VPS41: variants seen among roughly 807,000 people sequenced by gnomAD.
The protein encoded by VPS41 is VPS41 subunit of HOPS complex.
Under a neutral mutation model 130.9 loss-of-function variants are expected in VPS41, and 85 were observed. The observed-to-expected ratio is 0.65, with a 90% CI of 0.55 to 0.78. The LOEUF (loss-of-function observed/expected upper bound fraction) is 0.78, where lower values mean the gene tolerates loss of function less well. Ranked by LOEUF, VPS41 falls within the 30% of genes least tolerant of loss-of-function variation. The probability of loss-of-function intolerance (pLI) is 0.00; values close to 1 mark genes in which losing one functional copy is unlikely to be tolerated. For synonymous variants in VPS41, 335 were observed against 332.9 expected (o/e 1.01, Z -0.07); for missense variants, 874 against 1,018.7 (o/e 0.86, Z 1.93).
chr7:38,830,280 T>G lies in VPS41; in HGVS notation c.295A>C (p.Met99Leu). 6.2e-7 allele frequency: 1 copy of G among 1,613,474 alleles called. No homozygotes were observed. Among genetic ancestry groups the G allele is most frequent in the Non-Finnish European group, 8.5e-7 (1 of 1,179,372 alleles). ...QISLDESGEHMGVCSEDGKVQ... is the reference protein window; with the variant it reads ...QISLDESGEHLGVCSEDGKVQ... Reference sequence around the variant, plus strand: ...TTGCCATCCTCTGAACACACACCCATGTGCTCTCCACTTTCATCCAAGCTA... The same window carrying G: ...TTGCCATCCTCTGAACACACACCCAGGTGCTCTCCACTTTCATCCAAGCTA... The change falls in exon 5 of 29, where the codon ATG becomes CTG. Residue 99 changes from methionine (M) to leucine (L), a missense_variant. Met to Leu is a conservative substitution (Grantham distance 15, BLOSUM62 2). Coordinates refer to ENST00000310301, the MANE Select transcript of VPS41 (RefSeq NM_014396.4).
In VPS41 at chr7:38,745,574, T is replaced by C; in HGVS notation, c.1966A>G (p.Thr656Ala). The C allele has an allele frequency of 6.2e-7, 1 of 1,609,408 alleles. No homozygotes were observed. Among genetic ancestry groups the C allele is most frequent in the Non-Finnish European group, 8.5e-7 (1 of 1,178,724 alleles). The change falls in exon 23 of 29, where the codon ACA becomes GCA. Residue 656 changes from threonine (T) to alanine (A), a missense_variant. Thr to Ala is a moderately conservative substitution (Grantham distance 58). Coordinates refer to ENST00000310301, the MANE Select transcript of VPS41 (RefSeq NM_014396.4). ...ICQQRNFVEE[T>A]VYLLSRMGNS... Reference sequence around the variant, plus strand: ...AGCTACTTACTCAGAAGATAAACTGTCTCTTCTACAAAGTTTCTCTGTTGA... The same window carrying C: ...AGCTACTTACTCAGAAGATAAACTGCCTCTTCTACAAAGTTTCTCTGTTGA...
chr7:38,802,628 CTTT>C (rs772375780), intron 7 of VPS41, among the ~76,000 whole-genome samples: 10 of 152,256 alleles, frequency 6.6e-5, no homozygotes, highest in Non-Finnish European at 1.2e-4. Context: ...GAAAGCTTTG[CTTT>C]GGTGATTTAA....
At chr7:38,904,334 A>G (rs947650466) in intron 1 of VPS41, among the ~76,000 whole-genome samples, 1 of 152,222 alleles carries the variant, frequency 6.6e-6, no homozygotes, top group African/African-American at 2.4e-5. Context: ...CTAACAAAGC[A>G]ATCCGCTAGT....
chr7:38,769,134 TTCTGA>T (rs1784107972), intron 14 of VPS41, among the ~76,000 whole-genome samples: 2 of 152,198 alleles, frequency 1.3e-5, no homozygotes, highest in Non-Finnish European at 2.9e-5. Context: ...CGTCTTACCC[TTCTGA>T]CCTGCTTACC....
intron 4 of VPS41, among the ~76,000 whole-genome samples, chr7:38,856,392 G>T (rs1336240229): frequency 6.6e-6 from 1 of 152,050 alleles, no homozygotes; most frequent in African/African-American, 2.4e-5. Flanking sequence ...ATTAGGAGGT[G>T]GGGAAGAATT....
At chr7:38,886,963 CAGAA>C (rs1786745513) in intron 2 of VPS41, among the ~76,000 whole-genome samples, 1 of 152,150 alleles carries the variant, frequency 6.6e-6, no homozygotes, top group South Asian at 2.1e-4. Context: ...AACTAACAAA[CAGAA>C]AGGAATAGCA....
intron 7 of VPS41, among the ~76,000 whole-genome samples, chr7:38,804,896 T>C (rs1372711245): frequency 6.6e-6 from 1 of 152,240 alleles, no homozygotes. Context: ...ATCCCACAGA[T>C]TTAATAGAGC....
intron 4 of VPS41, among the ~76,000 whole-genome samples, chr7:38,843,704 A>C (rs1004834919): frequency 4.6e-5 from 7 of 152,034 alleles, no homozygotes; most frequent in African/African-American, 1.7e-4. Flanking sequence ...AAAAAAAAAA[A>C]CTGAATGACT....
chr7:38,728,226 T>C, intron 27 of VPS41: 1 of 527,098 alleles, frequency 1.9e-6, no homozygotes, highest in Admixed American at 3.2e-5. Context: ...TGGGAACTTG[T>C]TAGAAATATA....
chr7:38,902,404 A>G (rs1337776381), intron 1 of VPS41, among the ~76,000 whole-genome samples: 2 of 152,278 alleles, frequency 1.3e-5, no homozygotes, highest in East Asian at 1.9e-4. Context: ...TCTGTGCCAC[A>G]AGTGGCAAAT....
chr7:38,902,731 C>T (rs1417879416), intron 1 of VPS41, among the ~76,000 whole-genome samples: 2 of 152,300 alleles, frequency 1.3e-5, no homozygotes, highest in Non-Finnish European at 2.9e-5. Context: ...CCCCATCCTG[C>T]ACTCATCCTG....
At chr7:38,897,648 A>C (rs977795961) in intron 2 of VPS41, among the ~76,000 whole-genome samples, 1 of 150,714 alleles carries the variant, frequency 6.6e-6, no homozygotes. Flanking sequence ...CCGTCTCAAA[A>C]AAAAAAAAAA....
rs112678483 is a variant in VPS41, at chr7:38,809,311, C to T, written c.450+8506G>A. On this transcript the variant is annotated intron_variant, in intron 7 of 28. Coordinates refer to ENST00000310301, the MANE Select transcript of VPS41 (RefSeq NM_014396.4). Reference sequence around the variant, plus strand: ...CAGCCTGGCCAACATAGTGAAACCCCGTCTCTACTAAAAATACAAAAATAT... The same window carrying T: ...CAGCCTGGCCAACATAGTGAAACCCTGTCTCTACTAAAAATACAAAAATAT... Among the ~76,000 whole-genome samples the T allele has an allele frequency of 4.8e-4, 72 of 148,640 alleles. 1 individual carries two copies. The highest frequency in any genetic ancestry group is 1.7e-3 in the African/African-American group (68 of 40,670).
intron 10 of VPS41, among the ~76,000 whole-genome samples, chr7:38,777,408 C>T (rs1309677023): frequency 6.6e-6 from 1 of 152,062 alleles, no homozygotes; most frequent in African/African-American, 2.4e-5. Context: ...AGACATATTG[C>T]ATCACTTAAG....
chr7:38,872,130 G>A (rs953618219), intron 2 of VPS41, among the ~76,000 whole-genome samples: 4 of 152,186 alleles, frequency 2.6e-5, no homozygotes, highest in African/African-American at 9.6e-5. Context: ...TGGGTTTAGA[G>A]GATCTGCTTC....
At chr7:38,823,334 G>C (rs1395837913) in intron 5 of VPS41, among the ~76,000 whole-genome samples, 1 of 152,126 alleles carries the variant, frequency 6.6e-6, no homozygotes, top group East Asian at 1.9e-4. Flanking sequence ...TGGAAGCAAG[G>C]AGAGCAGCCC....
chr7:38,772,711 G>A (rs1784177582), intron 12 of VPS41, 74 bp from the exon 13 acceptor site: 1 of 1,013,532 alleles, frequency 9.9e-7, no homozygotes, highest in African/African-American at 1.6e-5. Context: ...CAGAGGACCT[G>A]GTTAGGTTAC....
chr7:38,858,075 C>A (rs1786024118), intron 4 of VPS41, among the ~76,000 whole-genome samples: 1 of 152,176 alleles, frequency 6.6e-6, no homozygotes, highest in Admixed American at 6.5e-5. Flanking sequence ...TTATAGGTGG[C>A]ACCCTTAGAG....
At chr7:38,768,705 G>C (rs1445909510) in intron 14 of VPS41, among the ~76,000 whole-genome samples, 1 of 152,110 alleles carries the variant, frequency 6.6e-6, no homozygotes, top group African/African-American at 2.4e-5. Flanking sequence ...TTTCCATCAA[G>C]GTTCAGAGAA....
Sources: gnomAD v4.1 joint callset for allele counts (sites outside exome capture counted in the v4.1 genomes callset) on GRCh38, gnomAD v4.1.1 for gene constraint, MANE v1.5 for transcripts, NCBI Gene and HGNC (gene_info 2026-07-23, HGNC 2026-07-21) for gene names.